The following PZP variants were observed in gnomAD, a reference collection of about 807,000 sequenced individuals.
The protein encoded by PZP is PZP alpha-2-macroglobulin like.
In PZP, 150 loss-of-function variants were observed where a neutral mutation model predicts 179.8. The observed-to-expected ratio is 0.83, with a 90% CI of 0.73 to 0.96. The LOEUF (loss-of-function observed/expected upper bound fraction) is 0.96. PZP is among the 40% of genes least tolerant of loss of function. PZP has a pLI of 0.00. For synonymous variants in PZP, 624 were observed against 652.3 expected, an observed-to-expected ratio of 0.96 and a Z score of 0.66; for missense variants, 1,689 against 1,764.0, an observed-to-expected ratio of 0.96 and a Z score of 0.76.
In PZP at chr12:9,150,692, C is replaced by T. The variant is rs1352623831; in HGVS notation, c.4336G>A (p.Gly1446Arg). Reference protein sequence around the residue: ...SFMVLQDIPVGDLKPAIVKVY... With the variant: ...SFMVLQDIPVRDLKPAIVKVY... Reference sequence around the variant, plus strand: ...TTAACAATTGCTGGCTTCAAGTCTCCTACTGGGATGTCTTGCAGAACCATG... The same window carrying T: ...TTAACAATTGCTGGCTTCAAGTCTCTTACTGGGATGTCTTGCAGAACCATG... The change falls in exon 34 of 36, where the codon GGA (glycine) becomes AGA (arginine). Residue 1446 changes from glycine (G) to arginine (R), a missense_variant. Gly to Arg is a moderately radical substitution (Grantham distance 125). Coordinates refer to ENST00000261336, the MANE Select transcript of PZP (RefSeq NM_002864.3). 4 of 1,613,084 alleles carry T rather than the reference C, an allele frequency of 2.5e-6. No individual in the cohort carries two copies. The highest frequency in any genetic ancestry group is 3.3e-5 in the Admixed American group (2 of 59,856).
intron 1 of PZP, among the ~76,000 whole-genome samples, chr12:9,204,175 A>G (rs1159082563): frequency 6.6e-6 from 1 of 152,200 alleles, no homozygotes; most frequent in Non-Finnish European, 1.5e-5. Context: ...ACAACACTGG[A>G]GATTGCTTTC....
Position 9,148,864 on chromosome 12 carries a change from AT to A in PZP, c.*107del. 1.0e-6 allele frequency: 1 copy of A among 959,126 alleles called. No homozygotes were observed. Among genetic ancestry groups the A allele is most frequent in the South Asian group, 1.5e-5 (1 of 67,266 alleles). 59.4% of individuals were successfully genotyped at this position (959,126 alleles called of 1,614,324 possible). The stretch of plus-strand genomic sequence containing the variant: ...ATAGTTTGACCAGAAGTACATATTT[AT>A]TCAGCAAATATTTTTAGTGTCTATT... On this transcript the variant is annotated 3_prime_UTR_variant, in exon 36 of 36. Transcript: ENST00000261336.
chr12:9,169,483 C>T lies in PZP; in HGVS notation c.1948G>A (p.Ala650Thr), dbSNP rs1440523256. 6.2e-7 allele frequency: 1 copy of T among 1,612,498 alleles called. No individual in the cohort carries two copies. Among genetic ancestry groups the T allele is most frequent in the Admixed American group, 1.7e-5 (1 of 59,898 alleles). Residue 650 changes from alanine to threonine, a missense_variant, in exon 16 of 36, where the codon GCC becomes ACC. Around this residue, in one of 3 missense-constraint regions of PZP, gnomAD observed 201 missense variants for 284.2 expected, o/e 0.71. Coordinates refer to ENST00000261336, the MANE Select transcript of PZP (RefSeq NM_002864.3). ...TTACTTGATAAGGGAACATAGATGG[C>T]TCCATTATGAATGAAGAAAGGACGG... ...CPRPFFIHNG[A>T]IYVPLSSNEA...
intron 13 of PZP, among the ~76,000 whole-genome samples, chr12:9,182,539 G>A (rs192533033): frequency 6.6e-6 from 1 of 151,986 alleles, no homozygotes; most frequent in African/African-American, 2.4e-5. Context: ...CTTTTAAAAA[G>A]CTCTGTATGT....
chr12:9,202,185 T>G, intron 4 of PZP, 134 bp downstream of exon 4: 1 of 775,084 alleles, frequency 1.3e-6, no homozygotes, highest in Non-Finnish European at 2.1e-6. Flanking sequence ...AGACTGCAAA[T>G]CTGTGCTGAG....
chr12:9,152,331 G>T, intron 31 of PZP, 21 bp from the exon 32 acceptor site: 1 of 1,585,452 alleles, frequency 6.3e-7, no homozygotes, highest in African/African-American at 1.3e-5. Context: ...AAAGGAAAAA[G>T]AATTTAGGGT....
chr12:9,180,632 A>C (rs1220275295), intron 15 of PZP, among the ~76,000 whole-genome samples: 8 of 152,162 alleles, frequency 5.3e-5, no homozygotes, highest in Non-Finnish European at 7.4e-5. Context: ...TTCCTTACAC[A>C]TTATACAAAA....
intron 4 of PZP, among the ~76,000 whole-genome samples, chr12:9,202,118 A>G (rs1182096476): frequency 6.6e-6 from 1 of 152,142 alleles, no homozygotes; most frequent in African/African-American, 2.4e-5. Context: ...CTGATTAAAT[A>G]CTGTTATAAG....
Position 9,208,256 on chromosome 12 carries a change from T to C in PZP, c.83+3A>G. 3 of 1,610,892 alleles carry C rather than the reference T, an allele frequency of 1.9e-6. No individual in the cohort carries two copies. The highest frequency in any genetic ancestry group is 2.5e-6 in the Non-Finnish European group (3 of 1,177,126). On this transcript the variant is annotated splice_donor_region_variant and intron_variant, in intron 1 of 35. Transcript: ENST00000261336. ...GGAGGAAGGGGTCTTGAGTGAGACT[T>C]ACGGTTCTGTAGAGTTTGAGTCACT...
In PZP at chr12:9,208,391, G is replaced by A. The variant is rs745945151; in HGVS notation, c.-50C>T. On this transcript the variant is annotated 5_prime_UTR_variant, in exon 1 of 36. Coordinates refer to ENST00000261336, the MANE Select transcript of PZP (RefSeq NM_002864.3). The stretch of plus-strand genomic sequence containing the variant: ...TGTCCAACTCTCTGCCCTCAGCCTC[G>A]CCCTGGAGACCAGCTGAGTTTACCA... 39 of 1,479,240 alleles carry A rather than the reference G, an allele frequency of 2.6e-5. No homozygotes were observed. Among genetic ancestry groups the A allele is most frequent in the Non-Finnish European group, 2.6e-5 (28 of 1,062,132 alleles). 91.6% of individuals were successfully genotyped at this position (1,479,240 alleles called of 1,614,324 possible).
chr12:9,204,791 A>AT (rs1008658273), intron 1 of PZP, among the ~76,000 whole-genome samples: 1 of 152,110 alleles, frequency 6.6e-6, no homozygotes, highest in Non-Finnish European at 1.5e-5. Flanking sequence ...TATCTTTTCA[A>AT]TAAAAAAAAA....
intron 18 of PZP, among the ~76,000 whole-genome samples, chr12:9,165,752 C>G (rs188043802): frequency 6.6e-6 from 1 of 152,288 alleles, no homozygotes; most frequent in Non-Finnish European, 1.5e-5. Flanking sequence ...CCTGCTCCAG[C>G]CCTGATATTT....
intron 19 of PZP, 65 bp downstream of exon 19, chr12:9,165,074 T>A: frequency 6.5e-7 from 1 of 1,537,708 alleles, no homozygotes. Context: ...ACAGAATCAG[T>A]AGCTGACTGA....
intron 13 of PZP, among the ~76,000 whole-genome samples, chr12:9,184,289 G>T (rs890661970): frequency 2.0e-5 from 3 of 152,056 alleles, no homozygotes; most frequent in African/African-American, 7.2e-5. Context: ...CAATGGAGCT[G>T]CCAGTGCAAA....
downstream of PZP, among the ~76,000 whole-genome samples, chr12:9,147,193 C>T (rs1008972026): frequency 1.3e-5 from 2 of 152,214 alleles, no homozygotes; most frequent in African/African-American, 4.8e-5. Flanking sequence ...TGTCCACACA[C>T]TCTGCTGACC....
chr12:9,208,048 AT>A (rs1422047665), intron 1 of PZP, among the ~76,000 whole-genome samples: 1 of 152,204 alleles, frequency 6.6e-6, no homozygotes, highest in Non-Finnish European at 1.5e-5. Context: ...GACTAATCGT[AT>A]TTATGACTCT....
At chr12:9,203,735 G>A (rs372309398) in intron 2 of PZP, 33 bp downstream of exon 2, 3 of 1,610,542 alleles carry the variant, frequency 1.9e-6, no homozygotes, top group South Asian at 1.1e-5. Flanking sequence ...AATGTATCAA[G>A]CAGGGATAGC....
intron 23 of PZP, among the ~76,000 whole-genome samples, chr12:9,160,778 G>A (rs532619702): frequency 3.3e-5 from 5 of 152,194 alleles, no homozygotes; most frequent in Non-Finnish European, 7.4e-5. Flanking sequence ...AGCCGGGCGT[G>A]GTGGCGGGCG....
At chr12:9,194,559 G>T (rs1269883281) in intron 10 of PZP, among the ~76,000 whole-genome samples, 1 of 150,000 alleles carries the variant, frequency 6.7e-6, no homozygotes, top group Non-Finnish European at 1.5e-5. Flanking sequence ...CTGCCTCCTG[G>T]ACTCACGCCA....
Sources: gnomAD v4.1 joint callset for allele counts (sites outside exome capture counted in the v4.1 genomes callset) on GRCh38, gnomAD v4.1.1 for gene constraint, gnomAD v4.1.1 regional missense constraint, MANE v1.5 for transcripts, NCBI Gene and HGNC (gene_info 2026-07-23, HGNC 2026-07-21) for gene names.